NTM: variants seen among roughly 807,000 people sequenced by gnomAD.
NTM encodes neurotrimin, also known as IgLON family member 2.
Under a neutral mutation model 42.1 loss-of-function variants are expected in NTM, and 13 were observed. The ratio of observed to expected loss-of-function variants is 0.31; its 90% CI spans 0.20 to 0.49. The LOEUF (loss-of-function observed/expected upper bound fraction) is 0.49, where lower values mean the gene tolerates loss of function less well. Among genes scored for constraint, NTM ranks in the 20% least tolerant of loss-of-function variants. The pLI is 0.99. For synonymous variants in NTM, 187 were observed against 179.2 expected, an observed-to-expected ratio of 1.04 and a Z score of -0.35; for missense variants, 373 against 452.8, an observed-to-expected ratio of 0.82 and a Z score of 1.60.
At chr11:131,436,989 G>A (rs1949189151) in intron 1 of NTM, among the ~76,000 whole-genome samples, 1 of 152,122 alleles carries the variant, frequency 6.6e-6, no homozygotes, top group Admixed American at 6.5e-5. Flanking sequence ...TTGTGTCTTT[G>A]TTCTCATTGG....
chr11:132,019,026 CTG>C (rs1445823714), intron 2 of NTM, among the ~76,000 whole-genome samples: 1 of 151,948 alleles, frequency 6.6e-6, no homozygotes, highest in African/African-American at 2.4e-5. Flanking sequence ...GTCTTCTAAT[CTG>C]TTCATAGTCT....
At chr11:131,702,389 A>T (rs981949037) in intron 1 of NTM, among the ~76,000 whole-genome samples, 1 of 152,236 alleles carries the variant, frequency 6.6e-6, no homozygotes, top group African/African-American at 2.4e-5. Context: ...AAATGATCTC[A>T]TCATCACAAC....
At chr11:131,993,000 T>C (rs1468725615) in intron 2 of NTM, among the ~76,000 whole-genome samples, 2 of 152,186 alleles carry the variant, frequency 1.3e-5, no homozygotes, top group Non-Finnish European at 2.9e-5. Context: ...TCTGGGGGTT[T>C]ACCCACTAAG....
At chr11:131,440,020 G>A (rs1949483268) in intron 1 of NTM, among the ~76,000 whole-genome samples, 1 of 148,446 alleles carries the variant, frequency 6.7e-6, no homozygotes, top group African/African-American at 2.5e-5. Context: ...TGTATCTTGT[G>A]GTATTTATTT....
chr11:131,566,675 CT>C (rs1318267336), intron 1 of NTM, among the ~76,000 whole-genome samples: 1 of 152,178 alleles, frequency 6.6e-6, no homozygotes, highest in Non-Finnish European at 1.5e-5. Context: ...TGCGGCACAA[CT>C]TTAAACCGAT....
rs2087176437 is a variant in NTM, at chr11:132,230,065, A to T, written c.526+17918A>T. Among the ~76,000 whole-genome samples, 3 of 152,186 alleles carry T rather than the reference A, an allele frequency of 2.0e-5. No homozygotes were observed. The South Asian group carries it at 6.2e-4, about 31-fold the overall frequency. ...GTTAATTGGCTCTGTCTCTAATATA[A>T]ATGACAATTAAACACAAATAAGTTA... On this transcript the variant is annotated intron_variant, in intron 4 of 8. Transcript: ENST00000683400.
intron 1 of NTM, among the ~76,000 whole-genome samples, chr11:131,438,646 T>G (rs2135959636): frequency 6.6e-6 from 1 of 152,282 alleles, no homozygotes; most frequent in East Asian, 1.9e-4. Flanking sequence ...TCATTTAAGG[T>G]CTTCTTCACA....
intron 1 of NTM, among the ~76,000 whole-genome samples, chr11:131,469,521 A>T (rs1952222080): frequency 6.6e-6 from 1 of 152,304 alleles, no homozygotes; most frequent in Non-Finnish European, 1.5e-5. Context: ...CAGATAACTG[A>T]CTGCAGATCA....
At chr11:131,687,365 G>A (rs2074020068) in intron 1 of NTM, among the ~76,000 whole-genome samples, 1 of 152,124 alleles carries the variant, frequency 6.6e-6, no homozygotes, top group Non-Finnish European at 1.5e-5. Context: ...GCGGCTTCGG[G>A]CAGGGACACG....
chr11:132,070,288 A>C (rs1328318119), intron 2 of NTM, among the ~76,000 whole-genome samples: 2 of 141,788 alleles, frequency 1.4e-5, no homozygotes, highest in Non-Finnish European at 3.1e-5. Context: ...AACGTGTCAC[A>C]CAGCCAAGTT....
At chr11:131,731,940 A>G (rs1490745828) in intron 1 of NTM, among the ~76,000 whole-genome samples, 1 of 152,190 alleles carries the variant, frequency 6.6e-6, no homozygotes, top group African/African-American at 2.4e-5. Context: ...GCTATTGTGT[A>G]TCTGAAGCCC....
chr11:131,742,241 T>C (rs2081289649), intron 1 of NTM, among the ~76,000 whole-genome samples: 2 of 152,140 alleles, frequency 1.3e-5, no homozygotes, highest in Admixed American at 1.3e-4. Flanking sequence ...AGATAAAAAA[T>C]AAAAGAATAC....
intron 4 of NTM, among the ~76,000 whole-genome samples, chr11:132,250,382 G>T (rs755123483): frequency 6.6e-6 from 1 of 152,034 alleles, no homozygotes; most frequent in African/African-American, 2.4e-5. Flanking sequence ...CTTTTCTTCA[G>T]ATTTGTTAGT....
At chr11:131,445,179 AC>A (rs1949959457) in intron 1 of NTM, among the ~76,000 whole-genome samples, 1 of 152,234 alleles carries the variant, frequency 6.6e-6, no homozygotes, top group South Asian at 2.1e-4. Context: ...TGATTAGAGC[AC>A]ACTGCATGCT....
chr11:132,154,264 A>G (rs926929529), intron 3 of NTM, among the ~76,000 whole-genome samples: 4 of 152,198 alleles, frequency 2.6e-5, no homozygotes, highest in Admixed American at 6.5e-5. Flanking sequence ...TGTTTTGACA[A>G]TGGACAAATA....
chr11:131,971,311 C>G lies in NTM; in HGVS notation c.167+59663C>G, dbSNP rs528266003. On this transcript the variant is annotated intron_variant, in intron 2 of 8. Transcript: ENST00000683400. ...CACTGTTATTTTCATTTGCATTTCTCTGGTCACTGGTGTGAGCTCTTTAAT... is the reference window on the plus strand; with the variant it reads ...CACTGTTATTTTCATTTGCATTTCTGTGGTCACTGGTGTGAGCTCTTTAAT... 1.2e-3 allele frequency among the ~76,000 whole-genome samples: 187 copies of G among 152,286 alleles called. 1 individual carries two copies. The highest frequency in any genetic ancestry group is 4.1e-3 in the African/African-American group (169 of 41,566).
chr11:132,089,160 T>C (rs1477962765), intron 2 of NTM, among the ~76,000 whole-genome samples: 1 of 152,172 alleles, frequency 6.6e-6, no homozygotes, highest in Admixed American at 6.5e-5. Flanking sequence ...TGTTTTGTCC[T>C]CCAGAAATTC....
chr11:132,037,240 A>AAGAG (rs2076616181), intron 2 of NTM, among the ~76,000 whole-genome samples: 1 of 151,792 alleles, frequency 6.6e-6, no homozygotes, highest in Admixed American at 6.6e-5. Flanking sequence ...AGAGCCTGGT[A>AAGAG]AGAGAGAGGG....
intron 4 of NTM, among the ~76,000 whole-genome samples, chr11:132,227,503 A>G (rs570297409): frequency 2.6e-5 from 4 of 152,178 alleles, no homozygotes; most frequent in African/African-American, 9.6e-5. Flanking sequence ...TTTTTCCTCT[A>G]AAGTCCAATC....
Sources: allele counts gnomAD v4.1 joint callset (sites outside exome capture counted in the v4.1 genomes callset), GRCh38; gene constraint gnomAD v4.1.1; transcripts MANE v1.5; gene names NCBI Gene and HGNC (gene_info 2026-07-23, HGNC 2026-07-21).